The following PTPN14 variants were observed in gnomAD, a reference collection of about 807,000 sequenced individuals.
PTPN14 encodes tyrosine-protein phosphatase non-receptor type 14.
PTPN14 carries 53 observed loss-of-function variants against 126.8 expected under a neutral mutation model. That is an observed-to-expected ratio of 0.42 (90% confidence interval 0.34 to 0.53). PTPN14 has a LOEUF of 0.53. PTPN14 is among the 20% of genes least tolerant of loss of function. The probability of loss-of-function intolerance (pLI) is 0.08; values close to 1 mark genes in which losing one functional copy is unlikely to be tolerated. For synonymous variants in PTPN14, 630 were observed against 599.3 expected (o/e 1.05, Z -0.75); for missense variants, 1,257 against 1,552.9 (o/e 0.81, Z 3.20).
At chr1:214,402,976 A>G (rs772701613) in intron 5 of PTPN14, 23 bp from the exon 6 acceptor site, 70 of 1,609,172 alleles carry the variant, frequency 4.4e-5, no homozygotes, top group Non-Finnish European at 6.0e-5. Context: ...AAAGTGCTTA[A>G]GGTCACATGA....
At chr1:214,547,034 A>C (rs1231056360) in intron 1 of PTPN14, among the ~76,000 whole-genome samples, 1 of 152,214 alleles carries the variant, frequency 6.6e-6, no homozygotes, top group Non-Finnish European at 1.5e-5. Flanking sequence ...AACTACCCTT[A>C]TCACACAAAA....
chr1:214,533,034 C>A, intron 1 of PTPN14: 3 of 749,790 alleles, frequency 4.0e-6, no homozygotes, highest in Non-Finnish European at 7.3e-6. Flanking sequence ...CCACCCAGTC[C>A]GCCCAGGTTG....
chr1:214,376,363 C>T lies in PTPN14; in HGVS notation c.2763G>A (p.Ala921=), dbSNP rs146527644. ...TEYEQIPKKK[A]NGIFSTAALP... ...GAGCTGCTGTGCTGAAAATGCCATT[C>T]GCCTTTTTCTTTGGAATTTGCTCAT... is the stretch of plus-strand genomic sequence containing the variant. The change falls in exon 15 of 19, where the codon GCG becomes GCA. Residue 921 remains alanine (A), a synonymous_variant. Transcript: ENST00000366956. 7.4e-6 allele frequency: 12 copies of T among 1,614,028 alleles called. No individual in the cohort carries two copies. The highest frequency in any genetic ancestry group is 5.5e-5 in the South Asian group (5 of 91,086).
intron 1 of PTPN14, chr1:214,532,480 G>A: frequency 1.2e-6 from 1 of 858,086 alleles, no homozygotes; most frequent in East Asian, 2.5e-5. Flanking sequence ...AGACTGAGGA[G>A]CCTGGAGATC....
At chr1:214,447,171 T>C (rs1215461838) in intron 3 of PTPN14, among the ~76,000 whole-genome samples, 2 of 152,116 alleles carry the variant, frequency 1.3e-5, no homozygotes, top group African/African-American at 4.8e-5. Flanking sequence ...TGAATGTTGT[T>C]GGGGCCTTCT....
At chr1:214,469,804 T>C (rs1207794111) in intron 1 of PTPN14, among the ~76,000 whole-genome samples, 1 of 105,248 alleles carries the variant, frequency 9.5e-6, no homozygotes, top group Non-Finnish European at 1.9e-5. Context: ...GGGATGGTGA[T>C]AGTGGGGGCG....
chr1:214,394,267 G>A (rs115198871), intron 9 of PTPN14, among the ~76,000 whole-genome samples: 1 of 152,170 alleles, frequency 6.6e-6, no homozygotes, highest in Non-Finnish European at 1.5e-5. Context: ...AATAGAATCA[G>A]GGGTCACTAG....
chr1:214,391,422 A>C (rs1408712846), intron 10 of PTPN14, among the ~76,000 whole-genome samples: 1 of 152,180 alleles, frequency 6.6e-6, no homozygotes, highest in Non-Finnish European at 1.5e-5. Context: ...TTTTTAAAAA[A>C]AATGCAAGAA....
intron 1 of PTPN14, among the ~76,000 whole-genome samples, chr1:214,510,162 T>C (rs946191802): frequency 1.3e-5 from 2 of 152,122 alleles, no homozygotes; most frequent in African/African-American, 4.8e-5. Context: ...GGCTGGGCCA[T>C]AGAACAGTCA....
At position 214,550,562 on chromosome 1, in the gene PTPN14, C is replaced by T. The variant is rs144656138; in HGVS notation, c.-155+621G>A. The stretch of plus-strand genomic sequence containing the variant: ...GTGGGGAAGGAGAGGCTGTTAATAC[C>T]TACAACTTTGGAAGTTTGAGGTGAA... On this transcript the variant is annotated intron_variant, in intron 1 of 18. Transcript: ENST00000366956. Among the ~76,000 whole-genome samples, 28 of 152,338 alleles carry T rather than the reference C, an allele frequency of 1.8e-4. 2 individuals carry two copies. The East Asian group carries it at 4.8e-3, about 26-fold the overall frequency.
chr1:214,429,392 A>G (rs1161146689), intron 3 of PTPN14, among the ~76,000 whole-genome samples: 7 of 152,338 alleles, frequency 4.6e-5, no homozygotes, highest in South Asian at 2.1e-4. Flanking sequence ...CAATTGTTTG[A>G]GAGAATACAA....
intron 1 of PTPN14, 60 bp downstream of exon 1, chr1:214,551,123 C>G (rs531061112): frequency 6.6e-6 from 1 of 152,438 alleles, no homozygotes; most frequent in African/African-American, 2.4e-5. Context: ...CTGCAGGGCG[C>G]CCGGAGCGCC....
At chr1:214,451,080 T>C (rs1260644973) in intron 3 of PTPN14, among the ~76,000 whole-genome samples, 3 of 152,194 alleles carry the variant, frequency 2.0e-5, no homozygotes, top group Non-Finnish European at 4.4e-5. Context: ...AAATTCGAAG[T>C]CTGATACCAC....
At chr1:214,358,200 TCAAA>T (rs1657869867) in intron 18 of PTPN14, 150 bp from the exon 19 acceptor site, 2 of 806,930 alleles carry the variant, frequency 2.5e-6, no homozygotes, top group Admixed American at 2.9e-5. Context: ...GTTTTATGCA[TCAAA>T]CAGTTTATAT....
In PTPN14 at chr1:214,369,623, A is replaced by G. The variant is rs369233578; in HGVS notation, c.3105T>C (p.Tyr1035=). The G allele has an allele frequency of 1.4e-4, 229 of 1,614,200 alleles. No individual in the cohort carries two copies. The Middle Eastern group carries it at 2.0e-3, about 14-fold the overall frequency. ...ACTTCGTGGTGACCTTGAACTTGCC[A>G]TAGGTGGCTGAGCTGTGCTTTGAAC... ...KLGSKHSSAT[Y]GKFKVTTKFR... Residue 1035 remains tyrosine, a synonymous_variant, in exon 17 of 19, where the codon TAT becomes TAC. Transcript: ENST00000366956.
rs1425259254 is a variant in PTPN14 at position 214,384,579 on chromosome 1, T to C, written c.1276A>G (p.Ile426Val). The C allele has an allele frequency of 6.2e-7, 1 of 1,613,984 alleles. No individual in the cohort carries two copies. Among genetic ancestry groups the C allele is most frequent in the Non-Finnish European group, 8.5e-7 (1 of 1,180,040 alleles). ...PGSDIMRADY[I>V]PSHRHSAIIV... ...ATCGCGCTGTGCCGGTGGCTCGGGA[T>C]GTAGTCGGCCCGCATGATGTCACTC... The change falls in exon 13 of 19, where the codon ATC becomes GTC. Residue 426 changes from isoleucine (I) to valine (V), a missense_variant. Around this residue, in one of 3 missense-constraint regions of PTPN14, gnomAD observed 1,021 missense variants for 1,183.3 expected, o/e 0.86. Coordinates refer to ENST00000366956, the MANE Select transcript of PTPN14 (RefSeq NM_005401.5). The surrounding 1 kb of genome is among the most constrained non-coding windows in gnomAD (Gnocchi z 5.3).
chr1:214,406,790 G>GTTTGTA (rs1430360690), intron 5 of PTPN14, among the ~76,000 whole-genome samples: 1 of 152,150 alleles, frequency 6.6e-6, no homozygotes, highest in African/African-American at 2.4e-5. Context: ...TAACCTGTCA[G>GTTTGTA]AGCATTTTAC....
intron 1 of PTPN14, among the ~76,000 whole-genome samples, chr1:214,519,326 C>T (rs1260096552): frequency 6.6e-6 from 1 of 152,092 alleles, no homozygotes; most frequent in African/African-American, 2.4e-5. Context: ...TACAGCATTG[C>T]ATTCCTGTAT....
At chr1:214,371,458 G>A (rs1281588835) in intron 16 of PTPN14, among the ~76,000 whole-genome samples, 1 of 152,128 alleles carries the variant, frequency 6.6e-6, no homozygotes, top group Non-Finnish European at 1.5e-5. Flanking sequence ...TGAGGCAGGA[G>A]GACCTGTACT....
Sources: allele counts gnomAD v4.1 joint callset (sites outside exome capture counted in the v4.1 genomes callset), GRCh38; gene constraint gnomAD v4.1.1; regional missense constraint gnomAD v4.1.1; non-coding constraint Gnocchi (gnomAD v3.1); transcripts MANE v1.5; gene names NCBI Gene and HGNC (gene_info 2026-07-23, HGNC 2026-07-21).